PPIP5K2: variants seen among roughly 807,000 people sequenced by gnomAD.
PPIP5K2 encodes the protein inositol hexakisphosphate and diphosphoinositol-pentakisphosphate kinase 2.
PPIP5K2 carries 105 observed loss-of-function variants against 154.6 expected under a neutral mutation model. The ratio of observed to expected loss-of-function variants is 0.68; its 90% CI spans 0.58 to 0.80. The LOEUF (loss-of-function observed/expected upper bound fraction) is 0.80. Ranked by LOEUF, PPIP5K2 falls within the 30% of genes least tolerant of loss-of-function variation. The pLI is 0.00. For missense variants in PPIP5K2, 992 were observed against 1,504.6 expected (o/e 0.66, Z 5.64); for synonymous variants, 480 against 490.3 (o/e 0.98, Z 0.28).
At chr5:103,130,267 GA>G (rs781965956) in intron 2 of PPIP5K2, among the ~76,000 whole-genome samples, 2 of 152,008 alleles carry the variant, frequency 1.3e-5, no homozygotes, top group African/African-American at 2.4e-5. Flanking sequence ...ATCCATACTG[GA>G]TCTTAGGAAT....
At chr5:103,137,461 C>G (rs1791730232) in intron 4 of PPIP5K2, among the ~76,000 whole-genome samples, 1 of 152,074 alleles carries the variant, frequency 6.6e-6, no homozygotes, top group African/African-American at 2.4e-5. Flanking sequence ...CGCACCCGGC[C>G]TATAACTAGA....
At chr5:103,126,104 A>G (rs1554200655) in intron 1 of PPIP5K2, among the ~76,000 whole-genome samples, 1 of 152,146 alleles carries the variant, frequency 6.6e-6, no homozygotes, top group African/African-American at 2.4e-5. Context: ...CTTACCTGGA[A>G]TGTTCACACC....
At chr5:103,160,659 A>G (rs1796078438) in intron 17 of PPIP5K2, among the ~76,000 whole-genome samples, 1 of 152,174 alleles carries the variant, frequency 6.6e-6, no homozygotes, top group Non-Finnish European at 1.5e-5. Context: ...GCATGTAAAA[A>G]CCATTCTTAG....
chr5:103,198,712 A>G (rs1802503783), intron 30 of PPIP5K2, among the ~76,000 whole-genome samples: 1 of 152,136 alleles, frequency 6.6e-6, no homozygotes, highest in African/African-American at 2.4e-5. Context: ...TAGCTCAACA[A>G]ACTTTATTTA....
In PPIP5K2 at chr5:103,159,688, A is replaced by G. The variant is rs1795928914; in HGVS notation, c.1920+360A>G. ...CAAATTAAAATTATATATGTTTATG[A>G]CACAACATGTTTTAAAATATATATG... On this transcript the variant is annotated intron_variant, in intron 17 of 30. Coordinates refer to ENST00000358359, the MANE Select transcript of PPIP5K2 (RefSeq NM_001276277.3). 1.3e-5 allele frequency among the ~76,000 whole-genome samples: 2 copies of G among 152,184 alleles called. 1 individual carries two copies. The highest frequency in any genetic ancestry group is 4.1e-4 in the South Asian group (2 of 4,834).
At chr5:103,200,016 G>A (rs782262840) in intron 30 of PPIP5K2, among the ~76,000 whole-genome samples, 2 of 152,128 alleles carry the variant, frequency 1.3e-5, no homozygotes, top group Non-Finnish European at 2.9e-5. Flanking sequence ...TAGACATTGT[G>A]AATGGTATGT....
At position 103,203,847 on chromosome 5, in the gene PPIP5K2, C is replaced by T. The variant is rs1803323079; in HGVS notation, c.*2213C>T. On this transcript the variant is annotated 3_prime_UTR_variant, in exon 31 of 31. Transcript: ENST00000358359. ...GTTTAAATGAGTTACGTAGTCCATT[C>T]TCAAATACTAGCAAATTTGGGGGGC... is the stretch of plus-strand genomic sequence containing the variant. The T allele has an allele frequency of 6.6e-6, 1 of 152,174 alleles. No individual in the cohort carries two copies. The highest frequency in any genetic ancestry group is 2.4e-5 in the African/African-American group (1 of 41,448). 9.4% of individuals were successfully genotyped at this position (152,174 alleles called of 1,614,324 possible).
chr5:103,137,255 C>T (rs1004393981), intron 4 of PPIP5K2, among the ~76,000 whole-genome samples: 3 of 151,744 alleles, frequency 2.0e-5, no homozygotes, highest in East Asian at 1.9e-4. Flanking sequence ...CTCCCCCTCC[C>T]GGGTTCCCGC....
intron 17 of PPIP5K2, among the ~76,000 whole-genome samples, chr5:103,161,895 C>T (rs980280620): frequency 7.2e-5 from 11 of 152,098 alleles, no homozygotes; most frequent in Non-Finnish European, 1.0e-4. Context: ...TTCTCCCATT[C>T]TGTAGGTTGC....
rs181175312 is a variant in PPIP5K2, at chr5:103,167,594, A to G, written c.2062+274A>G. ...AGCAGTGAGTAGACAGGGTAATAAG[A>G]AGGAGCAAGCAACAGGAAAGTGATC... On this transcript the variant is annotated intron_variant, in intron 18 of 30. Transcript: ENST00000358359. Among the ~76,000 whole-genome samples the G allele has an allele frequency of 1.5e-3, 232 of 152,082 alleles. 1 individual carries two copies. Among genetic ancestry groups the G allele is most frequent in the Non-Finnish European group, 1.3e-4 (9 of 67,904 alleles).
At position 103,195,023 on chromosome 5, in the gene PPIP5K2, C is replaced by A. The variant is rs17155138; in HGVS notation, c.3617C>A (p.Pro1206Gln). 3,685 of 1,613,366 alleles carry A rather than the reference C, an allele frequency of 2.3e-3. 65 individuals are homozygous for A. The African/African-American group carries it at 0.044, about 19-fold the overall frequency. ...TLKSTKASSK[P>Q]ATSGPSSAVV... The stretch of plus-strand genomic sequence containing the variant: ...AAGAGCACTAAAGCAAGCAGCAAAC[C>A]AGGTAAGGGGTGTGTGTGTTGAGTT... The change falls in exon 30 of 31, where the codon CCA (proline) becomes CAA (glutamine). Residue 1206 changes from proline to glutamine, a missense_variant and splice_region_variant. Transcript: ENST00000358359.
chr5:103,144,700 G>A (rs143418218), intron 5 of PPIP5K2, among the ~76,000 whole-genome samples: 177 of 152,174 alleles, frequency 1.2e-3, no homozygotes, highest in African/African-American at 4.1e-3. Context: ...AGTAGTGTTG[G>A]GAAAACTTGA....
At chr5:103,189,945 T>A (rs2149795821) in intron 28 of PPIP5K2, among the ~76,000 whole-genome samples, 1 of 152,182 alleles carries the variant, frequency 6.6e-6, no homozygotes, top group South Asian at 2.1e-4. Context: ...TTAATTTGAA[T>A]TTTTGGAAGA....
At chr5:103,167,342 C>T in intron 18 of PPIP5K2, 22 bp downstream of exon 18, 2 of 1,506,378 alleles carry the variant, frequency 1.3e-6, no homozygotes. Flanking sequence ...TTTCTTAGAG[C>T]ATAGAACAAA....
At chr5:103,126,939 A>G (rs782591808) in intron 1 of PPIP5K2, among the ~76,000 whole-genome samples, 1 of 152,162 alleles carries the variant, frequency 6.6e-6, no homozygotes, top group South Asian at 2.1e-4. Flanking sequence ...GTTGACACTC[A>G]GTATTAACCA....
In PPIP5K2 at chr5:103,184,741, G is replaced by T. The variant is rs782455773; in HGVS notation, c.3166G>T (p.Val1056Leu). ...TLVEQKQNPT[V>L]GSHCAGLFST... is the part of the protein sequence containing the mutation. ...TGTGGAACAGAAGCAGAATCCTACT[G>T]TAGGTATGTGGTGTAAAGGAAATTG... is the stretch of plus-strand genomic sequence containing the variant. The change falls in exon 26 of 31, where the codon GTA (valine) becomes TTA (leucine). Residue 1056 changes from valine to leucine, a missense_variant. Val to Leu is a conservative substitution (Grantham distance 32). Around this residue, in one of 9 missense-constraint regions of PPIP5K2, gnomAD observed 204 missense variants for 224.0 expected, o/e 0.91. Coordinates refer to ENST00000358359, the MANE Select transcript of PPIP5K2 (RefSeq NM_001276277.3). The T allele has an allele frequency of 6.2e-7, 1 of 1,610,304 alleles. No homozygotes were observed. Among genetic ancestry groups the T allele is most frequent in the South Asian group, 1.1e-5 (1 of 91,000 alleles).
rs782478692 is a variant in PPIP5K2 at position 103,148,044 on chromosome 5, T to C, written c.744+12T>C. On this transcript the variant is annotated intron_variant, in intron 7 of 30. Transcript: ENST00000358359. ...GTACTGATGTTAAGGTAGGATTGAT[T>C]AAAATAGATTTTAGTTTTATATTTC... 2.1e-5 allele frequency: 31 copies of C among 1,508,140 alleles called. No homozygotes were observed. Among genetic ancestry groups the C allele is most frequent in the Non-Finnish European group, 2.5e-5 (28 of 1,102,020 alleles). 93.4% of individuals were successfully genotyped at this position (1,508,140 alleles called of 1,614,324 possible).
chr5:103,130,162 T>G (rs951517252), intron 2 of PPIP5K2, among the ~76,000 whole-genome samples: 2 of 152,178 alleles, frequency 1.3e-5, no homozygotes, highest in Non-Finnish European at 2.9e-5. Flanking sequence ...TTCAGAAGTC[T>G]GAAAACTGAG....
intron 11 of PPIP5K2, 114 bp downstream of exon 11, chr5:103,154,048 T>A (rs782745131): frequency 1.3e-5 from 9 of 681,592 alleles, no homozygotes; most frequent in Non-Finnish European, 2.1e-5. Flanking sequence ...TACTGTCTCT[T>A]GGCCATTTAT....
Sources: allele counts gnomAD v4.1 joint callset (sites outside exome capture counted in the v4.1 genomes callset), GRCh38; gene constraint gnomAD v4.1.1; regional missense constraint gnomAD v4.1.1; transcripts MANE v1.5; gene names NCBI Gene and HGNC (gene_info 2026-07-23, HGNC 2026-07-21).